Variants in LINGO2 observed in about 807,000 individuals in gnomAD.
LINGO2 encodes leucine rich repeat and Ig domain containing 2.
In LINGO2, 14 loss-of-function variants were observed where a neutral mutation model predicts 30.6. That is an observed-to-expected ratio of 0.46 (90% CI 0.30 to 0.72). LINGO2 has a LOEUF of 0.72. Ranked by LOEUF, LINGO2 falls within the 30% of genes least tolerant of loss-of-function variation. The pLI, the probability that LINGO2 is intolerant of heterozygous loss-of-function variation, is 0.07. For synonymous variants in LINGO2, 317 were observed against 288.5 expected (o/e 1.10, Z -1.00); for missense variants, 729 against 751.7 (o/e 0.97, Z 0.35).
chr9:29,197,697 T>C, the LINGO2 span, among the ~76,000 whole-genome samples: 1 of 152,086 alleles, frequency 6.6e-6, no homozygotes, highest in Non-Finnish European at 1.5e-5. Context: ...TATGCTTTGG[T>C]AAAGTTTCAC....
the LINGO2 span, among the ~76,000 whole-genome samples, chr9:28,771,502 T>A: frequency 2.0e-3 from 123 of 60,962 alleles, 1 homozygote; most frequent in African/African-American, 3.3e-3. Context: ...TGTGTGTGTG[T>A]GTGTGAGAGA....
chr9:28,761,238 C>T, the LINGO2 span, among the ~76,000 whole-genome samples: 17 of 151,566 alleles, frequency 1.1e-4, no homozygotes, highest in Admixed American at 8.5e-4. Flanking sequence ...AAAAAGAAAC[C>T]GACAGGAGAA....
the LINGO2 span, among the ~76,000 whole-genome samples, chr9:28,708,767 A>ATCTATCTATCTG: frequency 6.8e-5 from 10 of 146,560 alleles, no homozygotes; most frequent in Non-Finnish European, 1.4e-4. Flanking sequence ...CTAATTATCT[A>ATCTATCTATCTG]TCTATCTATC....
chr9:28,541,648 T>C (rs1821703686), intron 1 of LINGO2, among the ~76,000 whole-genome samples: 1 of 152,116 alleles, frequency 6.6e-6, no homozygotes, highest in Non-Finnish European at 1.5e-5. Flanking sequence ...GAAATAAAAA[T>C]GTGCAACTCA....
intron 2 of LINGO2, among the ~76,000 whole-genome samples, chr9:28,396,284 C>T (rs1564173306): frequency 6.6e-6 from 1 of 152,098 alleles, no homozygotes; most frequent in African/African-American, 2.4e-5. Context: ...CAAAGTAAAT[C>T]CAAGTAAGGA....
chr9:28,946,334 C>A, the LINGO2 span, among the ~76,000 whole-genome samples: 1 of 151,832 alleles, frequency 6.6e-6, no homozygotes, highest in Non-Finnish European at 1.5e-5. Flanking sequence ...AAAATCAATC[C>A]GAAGCTGGAC....
intron 5 of LINGO2, among the ~76,000 whole-genome samples, chr9:27,994,549 T>C (rs1283761287): frequency 6.6e-6 from 1 of 152,054 alleles, no homozygotes. Context: ...GGGAAGTTCC[T>C]AGGCAGAAAG....
At chr9:28,036,627 A>C (rs1563931988) in intron 4 of LINGO2, among the ~76,000 whole-genome samples, 1 of 152,236 alleles carries the variant, frequency 6.6e-6, no homozygotes, top group Admixed American at 6.5e-5. Flanking sequence ...TGACAAAGGG[A>C]CAAGACTTTA....
chr9:28,550,823 A>G (rs1300415553), intron 1 of LINGO2, among the ~76,000 whole-genome samples: 1 of 151,940 alleles, frequency 6.6e-6, no homozygotes, highest in Non-Finnish European at 1.5e-5. Context: ...AGAAATACAT[A>G]TAGCATGATA....
At chr9:28,712,219 T>G in the LINGO2 span, among the ~76,000 whole-genome samples, 1 of 152,270 alleles carries the variant, frequency 6.6e-6, no homozygotes, top group East Asian at 1.9e-4. Flanking sequence ...TATATCGCTA[T>G]AGAATATTAA....
chr9:28,509,890 T>G (rs1820301535), intron 1 of LINGO2, among the ~76,000 whole-genome samples: 1 of 152,250 alleles, frequency 6.6e-6, no homozygotes, highest in African/African-American at 2.4e-5. Context: ...TGTGATATTT[T>G]AACAAAACCT....
chr9:28,388,813 T>C (rs545572529), intron 2 of LINGO2, among the ~76,000 whole-genome samples: 1 of 152,296 alleles, frequency 6.6e-6, no homozygotes, highest in African/African-American at 2.4e-5. Context: ...TAATTTGCAT[T>C]TTCTCCTGCC....
In LINGO2 at chr9:28,236,731, C is replaced by T. The variant is rs72709314; in HGVS notation, c.-87+58477G>A. The stretch of plus-strand genomic sequence containing the variant: ...TAAATACAAGGATGTTTACCAAAGG[C>T]CGGGAAGGGTAGTAGGGGGTGTAGG... On this transcript the variant is annotated intron_variant, in intron 4 of 5. Coordinates refer to ENST00000379992, the Ensembl canonical transcript of LINGO2. Among the ~76,000 whole-genome samples, 1,163 of 151,862 alleles carry T rather than the reference C, an allele frequency of 7.7e-3. 6 individuals carry two copies. Among genetic ancestry groups the T allele is most frequent in the Middle Eastern group, 0.027 (8 of 292 alleles).
intron 3 of LINGO2, among the ~76,000 whole-genome samples, chr9:28,311,650 G>C (rs534316372): frequency 6.6e-6 from 1 of 152,202 alleles, no homozygotes; most frequent in East Asian, 1.9e-4. Flanking sequence ...GGCAGTCAGA[G>C]TTTAAGGTTA....
At chr9:28,353,757 TG>T (rs1820026931) in intron 3 of LINGO2, among the ~76,000 whole-genome samples, 7 of 152,126 alleles carry the variant, frequency 4.6e-5, no homozygotes, top group Admixed American at 4.6e-4. Flanking sequence ...CCAACCCAAA[TG>T]TCCAACAATG....
intron 4 of LINGO2, among the ~76,000 whole-genome samples, chr9:28,139,742 A>G (rs1452340): frequency 0.77 from 116,903 of 151,950 alleles, 44,989 homozygotes; most frequent in South Asian, 0.83. Flanking sequence ...ATCACGAAAT[A>G]AAAAAAATAA....
At chr9:28,915,413 A>C in the LINGO2 span, among the ~76,000 whole-genome samples, 1 of 152,154 alleles carries the variant, frequency 6.6e-6, no homozygotes, top group Middle Eastern at 3.2e-3. Context: ...GTGTGGCTTG[A>C]GAATCTACCT....
At chr9:28,226,315 A>G (rs1490114201) in intron 4 of LINGO2, among the ~76,000 whole-genome samples, 3 of 152,068 alleles carry the variant, frequency 2.0e-5, no homozygotes, top group African/African-American at 7.2e-5. Flanking sequence ...TTCAAGACCC[A>G]TCTAGTACCT....
the LINGO2 span, among the ~76,000 whole-genome samples, chr9:28,916,069 G>T: frequency 6.6e-6 from 1 of 152,084 alleles, no homozygotes; most frequent in Admixed American, 6.6e-5. Context: ...CAAATGGGTG[G>T]TCAGACATGC....
Sources: allele counts gnomAD v4.1 joint callset (sites outside exome capture counted in the v4.1 genomes callset), GRCh38; gene constraint gnomAD v4.1.1; transcripts MANE v1.5; gene names NCBI Gene and HGNC (gene_info 2026-07-23, HGNC 2026-07-21).